DLEC1: variants seen among roughly 807,000 people sequenced by gnomAD.
DLEC1 encodes the protein deleted in lung and esophageal cancer protein 1.
In DLEC1, 146 loss-of-function variants were observed where a neutral mutation model predicts 198.1. The observed-to-expected ratio is 0.74, with a 90% CI of 0.64 to 0.85. DLEC1 has a LOEUF of 0.85. Ranked by LOEUF, DLEC1 falls within the 40% of genes least tolerant of loss-of-function variation. The probability of loss-of-function intolerance (pLI) is 0.00; values close to 1 mark genes in which losing one functional copy is unlikely to be tolerated. For missense variants in DLEC1, 2,233 were observed against 2,220.0 expected, an observed-to-expected ratio of 1.01 and a Z score of -0.12; for synonymous variants, 897 against 866.8, an observed-to-expected ratio of 1.03 and a Z score of -0.61.
chr3:38,047,151 G>A (rs567978073), intron 2 of DLEC1, among the ~76,000 whole-genome samples: 1 of 152,310 alleles, frequency 6.6e-6, no homozygotes, highest in South Asian at 2.1e-4. Flanking sequence ...TTTATAGAGA[G>A]GTATTCTCAG....
At chr3:38,111,654 T>C (rs769329947) in intron 23 of DLEC1, 23 bp from the exon 24 acceptor site, 2 of 1,610,602 alleles carry the variant, frequency 1.2e-6, no homozygotes, top group Admixed American at 3.4e-5. Flanking sequence ...CTTGATACTA[T>C]TTCTGTGTCT....
At position 38,039,386 on chromosome 3, in the gene DLEC1, C is replaced by G; in HGVS notation, c.161C>G (p.Ala54Gly). 2 of 1,614,200 alleles carry G rather than the reference C, an allele frequency of 1.2e-6. No individual in the cohort carries two copies. The highest frequency in any genetic ancestry group is 1.7e-6 in the Non-Finnish European group (2 of 1,180,012). Residue 54 changes from alanine to glycine, a missense_variant, in exon 1 of 37, where the codon GCC (alanine) becomes GGC (glycine). By Grantham distance (60) the Ala-to-Gly change is moderately conservative. Transcript: ENST00000308059. ...SLYSSLAYSE[A>G]FHYSFAARPR... ...TATTCCTCCCTCGCCTACTCTGAGG[C>G]CTTCCACTACAGCTTCGCAGCCCGG...
At chr3:38,114,248 C>A in intron 25 of DLEC1, 94 bp from the exon 26 acceptor site, 1 of 1,220,644 alleles carries the variant, frequency 8.2e-7, no homozygotes. Flanking sequence ...AACTGTGGGG[C>A]CCCTGGGCTG....
At chr3:38,068,230 T>TC (rs941881876) in intron 6 of DLEC1, among the ~76,000 whole-genome samples, 3 of 151,838 alleles carry the variant, frequency 2.0e-5, no homozygotes, top group African/African-American at 7.3e-5. Context: ...TTTCTTTTTT[T>TC]TTAAAACCTT....
chr3:38,073,420 A>G (rs2125638748), intron 6 of DLEC1, among the ~76,000 whole-genome samples: 1 of 152,142 alleles, frequency 6.6e-6, no homozygotes, highest in Non-Finnish European at 1.5e-5. Flanking sequence ...ATTGGCATTG[A>G]GTGGGGTAAG....
chr3:38,067,243 C>T (rs1252836814), intron 6 of DLEC1, among the ~76,000 whole-genome samples: 1 of 152,180 alleles, frequency 6.6e-6, no homozygotes, highest in African/African-American at 2.4e-5. Flanking sequence ...AATTTTCAGT[C>T]TTTAAAAATT....
chr3:38,056,098 CACACA>C (rs1696352450), intron 2 of DLEC1, among the ~76,000 whole-genome samples: 3 of 138,916 alleles, frequency 2.2e-5, no homozygotes, highest in Non-Finnish European at 4.7e-5. Context: ...CACACACACA[CACACA>C]CACACACACA....
At position 38,122,392 on chromosome 3, in the gene DLEC1, ATGT is replaced by A. The variant is rs767129628; in HGVS notation, c.5251_5253del (p.Leu1751del). 3.0e-5 allele frequency: 49 copies of A among 1,613,946 alleles called. No individual in the cohort carries two copies. The highest frequency in any genetic ancestry group is 3.9e-5 in the Non-Finnish European group (46 of 1,180,000). The stretch of plus-strand genomic sequence containing the variant: ...CCAAGGCTCCTATGATGAGAGATAC[ATGT>A]TGCCTCACCAGCCCTGAGGCTCCGC... On this transcript the variant is annotated inframe_deletion, in exon 37 of 37. Coordinates refer to ENST00000308059, the MANE Select transcript of DLEC1 (RefSeq NM_007335.4).
rs1700848131 is a variant in DLEC1 at position 38,045,602 on chromosome 3, T to G, written c.471T>G (p.Thr157=). Residue 157 remains threonine, a synonymous_variant, in exon 2 of 37, where the codon ACT becomes ACG. Transcript: ENST00000308059. ...DEFEMLERHI[T]QAQARAIAEN... Reference sequence around the variant, plus strand: ...TTGAAATGTTGGAGAGACATATCACTCAGGCCCAAGCACGGGCTATTGCGG... The same window carrying G: ...TTGAAATGTTGGAGAGACATATCACGCAGGCCCAAGCACGGGCTATTGCGG... The G allele has an allele frequency of 1.2e-6, 2 of 1,614,002 alleles. No homozygotes were observed. Among genetic ancestry groups the G allele is most frequent in the Admixed American group, 3.3e-5 (2 of 59,992 alleles).
At chr3:38,071,110 G>C (rs572931485) in intron 6 of DLEC1, among the ~76,000 whole-genome samples, 2 of 152,166 alleles carry the variant, frequency 1.3e-5, no homozygotes, top group Non-Finnish European at 2.9e-5. Flanking sequence ...AAGCTGAAGG[G>C]AGATCTTGTG....
rs200640048 is a variant in DLEC1, at chr3:38,063,829, T to A, written c.1095-12T>A. ...CTAACAGCCTTTCTCCCCCTCTTTT[T>A]TCATCCCACAGTTGTGCTGATACTC... On this transcript the variant is annotated splice_polypyrimidine_tract_variant and intron_variant, in intron 5 of 36. Transcript: ENST00000308059. The A allele has an allele frequency of 3.2e-5, 51 of 1,610,646 alleles. No individual in the cohort carries two copies. Among genetic ancestry groups the A allele is most frequent in the South Asian group, 1.1e-5 (1 of 90,680 alleles).
chr3:38,118,179 C>A (rs2125747467), intron 33 of DLEC1, among the ~76,000 whole-genome samples, 155 bp downstream of exon 33: 1 of 152,338 alleles, frequency 6.6e-6, no homozygotes, highest in Admixed American at 6.5e-5. Flanking sequence ...GGTGCACTCC[C>A]ACCAGAGACA....
chr3:38,117,212 A>G lies in DLEC1; in HGVS notation c.4310A>G (p.Glu1437Gly). Residue 1437 changes from glutamate to glycine, a missense_variant, in exon 31 of 37, where the codon GAA (glutamate) becomes GGA (glycine). Glu to Gly is a moderately conservative substitution (Grantham distance 98). Transcript: ENST00000308059. ...GATCAGACTTGGGCTCAGTAGGTGG[A>G]AAGGGAGATTCCAGGGAAGAGGCAT... ...LGFMSLDSKV[E>G]REIPGKRHRL... 6.2e-7 allele frequency: 1 copy of G among 1,614,146 alleles called. No individual in the cohort carries two copies. The highest frequency in any genetic ancestry group is 8.5e-7 in the Non-Finnish European group (1 of 1,179,996).
At chr3:38,064,046 G>A in intron 6 of DLEC1, 127 bp downstream of exon 6, 3 of 618,480 alleles carry the variant, frequency 4.9e-6, no homozygotes, top group Non-Finnish European at 7.9e-6. Flanking sequence ...ATCATTCTTG[G>A]GTGTTTCTCG....
At chr3:38,043,315 A>T (rs556855873) in intron 1 of DLEC1, among the ~76,000 whole-genome samples, 3 of 152,356 alleles carry the variant, frequency 2.0e-5, no homozygotes, top group Admixed American at 1.3e-4. Context: ...AATATTGAGC[A>T]TTTACAACAT....
chr3:38,109,715 C>T (rs1699762435), intron 22 of DLEC1, 153 bp downstream of exon 22: 1 of 1,278,044 alleles, frequency 7.8e-7, no homozygotes, highest in African/African-American at 1.5e-5. Flanking sequence ...ACTCACCACT[C>T]CTGTGGGGAC....
At chr3:38,067,752 C>CTTT (rs34213412) in intron 6 of DLEC1, among the ~76,000 whole-genome samples, 1,873 of 123,678 alleles carry the variant, frequency 0.015, 74 homozygotes, top group Middle Eastern at 0.038. Context: ...AGTATCTGCA[C>CTTT]TTTTTTTTTT....
chr3:38,061,164 CTTGTTTGTTTGT>C (rs139477978), intron 3 of DLEC1, among the ~76,000 whole-genome samples: 4 of 151,144 alleles, frequency 2.6e-5, no homozygotes, highest in African/African-American at 4.9e-5. Flanking sequence ...GGATGGTTTT[CTTGTTTGTTTGT>C]TTGTTTGTTT....
rs1699781406 is a variant in DLEC1, at chr3:38,110,087, C to G, written c.3261-12C>G. 1 of 1,613,222 alleles carries G rather than the reference C, an allele frequency of 6.2e-7. No homozygotes were observed. The highest frequency in any genetic ancestry group is 1.1e-5 in the South Asian group (1 of 91,086). ...TTACATAGTACCAATGGGCACAGGA[C>G]AGTGTTTTCAGCACAGAGCAGTGGC... is the stretch of plus-strand genomic sequence containing the variant. On this transcript the variant is annotated splice_polypyrimidine_tract_variant and intron_variant, in intron 22 of 36. Transcript: ENST00000308059.
Sources: allele counts gnomAD v4.1 joint callset (sites outside exome capture counted in the v4.1 genomes callset), GRCh38; gene constraint gnomAD v4.1.1; transcripts MANE v1.5; gene names NCBI Gene and HGNC (gene_info 2026-07-23, HGNC 2026-07-21).